Variants in SLC20A2 observed in about 807,000 individuals in gnomAD.
The protein encoded by SLC20A2 is sodium-dependent phosphate transporter 2.
In SLC20A2, 30 loss-of-function variants were observed where a neutral mutation model predicts 61.0. The observed-to-expected ratio is 0.49, with a 90% CI of 0.37 to 0.67. The LOEUF (loss-of-function observed/expected upper bound fraction) is 0.67. Ranked by LOEUF, SLC20A2 falls within the 30% of genes least tolerant of loss-of-function variation. The pLI, the probability that SLC20A2 is intolerant of heterozygous loss-of-function variation, is 0.00. For missense variants in SLC20A2, 626 were observed against 866.4 expected, an observed-to-expected ratio of 0.72 and a Z score of 3.48; for synonymous variants, 351 against 353.3, an observed-to-expected ratio of 0.99 and a Z score of 0.07.
chr8:42,420,583 A>C (rs572870655), intron 10 of SLC20A2, among the ~76,000 whole-genome samples: 1 of 152,286 alleles, frequency 6.6e-6, no homozygotes, highest in East Asian at 1.9e-4. Context: ...CAACCTTTCA[A>C]ACACTTACTG....
At chr8:42,427,383 C>T (rs1375634463) in intron 10 of SLC20A2, among the ~76,000 whole-genome samples, 1 of 152,178 alleles carries the variant, frequency 6.6e-6, no homozygotes, top group Admixed American at 6.5e-5. Flanking sequence ...AATCCTGGAT[C>T]TATCACATGT....
intron 1 of SLC20A2, among the ~76,000 whole-genome samples, chr8:42,533,509 G>C (rs889853547): frequency 6.6e-6 from 1 of 151,922 alleles, no homozygotes. Context: ...CCAGCTACTC[G>C]GGAGGCTGAA....
chr8:42,517,177 G>A (rs191085204), intron 1 of SLC20A2, among the ~76,000 whole-genome samples: 169 of 152,176 alleles, frequency 1.1e-3, no homozygotes, highest in African/African-American at 3.6e-3. Flanking sequence ...TTTGATCCAG[G>A]TCTTTACAGA....
Position 42,439,439 on chromosome 8 carries a change from G to T in SLC20A2, c.934+11C>A, listed in dbSNP as rs745463444. 5 of 1,612,424 alleles carry T rather than the reference G, an allele frequency of 3.1e-6. No individual in the cohort carries two copies. The highest frequency in any genetic ancestry group is 4.2e-6 in the Non-Finnish European group (5 of 1,179,866). ...CTGCCACAGAACCCAAGCTCTCCAG[G>T]CACATCTTACCGTATGCAGCCCGAG... On this transcript the variant is annotated intron_variant, in intron 7 of 10. Transcript: ENST00000520262.
In SLC20A2 at chr8:42,456,074, T is replaced by C. The variant is rs148562192; in HGVS notation, c.613+3822A>G. On this transcript the variant is annotated intron_variant, in intron 5 of 10. Coordinates refer to ENST00000520262, the MANE Select transcript of SLC20A2 (RefSeq NM_001257180.2). ...TTTAATTTTCCCTAGGATAATTTAC[T>C]CTCCCAGTAAGATGATATTTTTAGC... Among the ~76,000 whole-genome samples, 1,326 of 152,100 alleles carry C rather than the reference T, an allele frequency of 8.7e-3. 6 individuals are homozygous for C. Among genetic ancestry groups the C allele is most frequent in the Non-Finnish European group, 0.015 (987 of 68,008 alleles).
chr8:42,485,399 T>C (rs1167402631), intron 1 of SLC20A2, among the ~76,000 whole-genome samples: 1 of 151,946 alleles, frequency 6.6e-6, no homozygotes, highest in African/African-American at 2.4e-5. Flanking sequence ...TCAAGCACTT[T>C]GGGAGGTCGA....
rs553701003 is a variant in SLC20A2, at chr8:42,497,483, A to G, written c.-265+3548T>C. Among the ~76,000 whole-genome samples, 66 of 152,130 alleles carry G rather than the reference A, an allele frequency of 4.3e-4. 1 individual carries two copies. Among genetic ancestry groups the G allele is most frequent in the Admixed American group, 9.2e-4 (14 of 15,270 alleles). On this transcript the variant is annotated intron_variant, in intron 1 of 10. Coordinates refer to ENST00000520262, the MANE Select transcript of SLC20A2 (RefSeq NM_001257180.2). ...TTTCCAGGCGGTGCTGACGCTGAAGAAACAGGGTCCCCACTGTCGGCACCT... is the reference window on the plus strand; with the variant it reads ...TTTCCAGGCGGTGCTGACGCTGAAGGAACAGGGTCCCCACTGTCGGCACCT...
chr8:42,533,391 G>GC (rs1320613867), intron 1 of SLC20A2, among the ~76,000 whole-genome samples: 1 of 152,024 alleles, frequency 6.6e-6, no homozygotes, highest in Non-Finnish European at 1.5e-5. Flanking sequence ...CCAGGCAGGC[G>GC]CATCACTTGA....
At chr8:42,441,142 CTT>C (rs112150338) in intron 6 of SLC20A2, among the ~76,000 whole-genome samples, 37 of 125,528 alleles carry the variant, frequency 2.9e-4, no homozygotes, top group Admixed American at 5.7e-4. Flanking sequence ...ATATTTTGCT[CTT>C]TTTTTTTTTT....
chr8:42,496,453 G>C (rs1295232798), intron 1 of SLC20A2, among the ~76,000 whole-genome samples: 1 of 152,210 alleles, frequency 6.6e-6, no homozygotes, highest in African/African-American at 2.4e-5. Flanking sequence ...GGAAGAGAGA[G>C]CAGAGAGATG....
intron 1 of SLC20A2, among the ~76,000 whole-genome samples, chr8:42,537,291 G>C (rs1812767033): frequency 6.6e-6 from 1 of 151,180 alleles, no homozygotes; most frequent in South Asian, 2.1e-4. Flanking sequence ...GGCTGAGGTG[G>C]GAGGATTGCT....
intron 1 of SLC20A2, among the ~76,000 whole-genome samples, chr8:42,492,291 G>A (rs1809577658): frequency 6.6e-6 from 1 of 152,196 alleles, no homozygotes; most frequent in Admixed American, 6.5e-5. Context: ...AGGAGGCAGA[G>A]GTTGCAGTGA....
intron 5 of SLC20A2, among the ~76,000 whole-genome samples, chr8:42,456,796 C>A (rs923550222): frequency 6.6e-6 from 1 of 151,476 alleles, no homozygotes; most frequent in African/African-American, 2.4e-5. Flanking sequence ...TCACTTCCAA[C>A]CCAGTGCTCC....
rs1369861726 is a variant in SLC20A2 at position 42,416,980 on chromosome 8, C to CA, written c.*822_*823insT. 1 of 152,670 alleles carries CA rather than the reference C, an allele frequency of 6.6e-6. No homozygotes were observed. The highest frequency in any genetic ancestry group is 1.5e-5 in the Non-Finnish European group (1 of 68,074). The allele number at this position is 152,670 out of a possible 1,614,324, so 9.5% of individuals were successfully genotyped here. A position where few individuals can be genotyped will look rare whatever the true frequency, so the allele number is the denominator to read the frequency against. On this transcript the variant is annotated 3_prime_UTR_variant, in exon 11 of 11. Transcript: ENST00000520262. ...GTGGCGGTGGCACTGCTGGTGGGAG[C>CA]CACGGCGTGGCGCATGCTGGGTGAC...
chr8:42,483,613 C>A (rs1396270319), intron 1 of SLC20A2, among the ~76,000 whole-genome samples: 2 of 152,210 alleles, frequency 1.3e-5, no homozygotes, highest in African/African-American at 4.8e-5. Context: ...GACTCTTCAA[C>A]ATTTTCTCCT....
chr8:42,533,616 C>G (rs1321180357), intron 1 of SLC20A2, among the ~76,000 whole-genome samples: 2 of 145,952 alleles, frequency 1.4e-5, no homozygotes, highest in Non-Finnish European at 3.0e-5. Context: ...GGGCAACAAA[C>G]TGTCCATGCA....
chr8:42,541,060 CTA>C (rs775758831), intron 1 of SLC20A2: 1 of 152,206 alleles, frequency 6.6e-6, no homozygotes, highest in African/African-American at 2.4e-5. Flanking sequence ...AAAAGGGACT[CTA>C]TGCTCTCAAG....
chr8:42,444,941 C>T (rs918899400), intron 5 of SLC20A2, among the ~76,000 whole-genome samples, 179 bp from the exon 6 acceptor site: 1 of 152,240 alleles, frequency 6.6e-6, no homozygotes, highest in African/African-American at 2.4e-5. Flanking sequence ...ATGTTCAAGA[C>T]ATCTTATATC....
intron 1 of SLC20A2, among the ~76,000 whole-genome samples, chr8:42,522,716 T>C (rs1811656799): frequency 7.4e-6 from 1 of 135,054 alleles, no homozygotes; most frequent in Non-Finnish European, 1.7e-5. Context: ...AAAGGTTTCT[T>C]TTCTCTTCTT....
Sources: gnomAD v4.1 joint callset for allele counts (sites outside exome capture counted in the v4.1 genomes callset) on GRCh38, gnomAD v4.1.1 for gene constraint, MANE v1.5 for transcripts, NCBI Gene and HGNC (gene_info 2026-07-23, HGNC 2026-07-21) for gene names.